The following TAL1 variants were observed in gnomAD, a reference collection of about 807,000 sequenced individuals.
TAL1 encodes T-cell acute lymphocytic leukemia protein 1.
In TAL1, 8 loss-of-function variants were observed where a neutral mutation model predicts 17.9. That is an observed-to-expected ratio of 0.45 (90% CI 0.26 to 0.81). The LOEUF (loss-of-function observed/expected upper bound fraction) is 0.81. TAL1 is among the 30% of genes least tolerant of loss of function. TAL1 has a pLI of 0.17. For missense variants in TAL1, 466 were observed against 486.9 expected (o/e 0.96, Z 0.40); for synonymous variants, 223 against 218.6 (o/e 1.02, Z -0.18).
At chr1:47,220,322 GCTTCCTCATCTATGGGAACTT>G in intron 3 of TAL1, 148 bp from the exon 5 acceptor site, 8 of 1,342,148 alleles carry the variant, frequency 6.0e-6, no homozygotes, top group Non-Finnish European at 7.7e-6. Context: ...AAGTTCCTGT[GCTTCCTCATCTATGGGAACTT>G]CCTCAACCCC....
chr1:47,219,894 G>GGCGC lies in TAL1; in HGVS notation c.821_822insGCGC (p.Ala275ArgfsTer6). 5 of 1,556,030 alleles carry GGCGC rather than the reference G, an allele frequency of 3.2e-6. No homozygotes were observed. Among genetic ancestry groups the GGCGC allele is most frequent in the Non-Finnish European group, 4.3e-6 (5 of 1,149,576 alleles). ...CTTGCAGGAGGTCATCTGGGGGCGC[G>GGCGC]CCGCCCCCTCCCCCACCTCCACCCC... On this transcript the variant is annotated frameshift_variant, in exon 4 of 4. Coordinates refer to ENST00000294339, the Ensembl canonical transcript of TAL1. LOFTEE classifies it high-confidence loss of function.
chr1:47,216,300 A>G (rs1430005655), exon 4 of TAL1: 1 of 203,442 alleles, frequency 4.9e-6, no homozygotes, highest in Admixed American at 6.0e-5. Context: ...GCCCCTTTGT[A>G]AAACTTTTAT....
At chr1:47,219,093 G>T in exon 4 of TAL1, 1 of 335,122 alleles carries the variant, frequency 3.0e-6, no homozygotes, top group East Asian at 4.5e-5. Context: ...AGGGCGACTG[G>T]GTTTCCTGAC....
intron 3 of TAL1, among the ~76,000 whole-genome samples, chr1:47,223,016 G>A (rs1338316586): frequency 6.6e-6 from 1 of 152,096 alleles, no homozygotes; most frequent in Non-Finnish European, 1.5e-5. Context: ...CAGGCTGCTT[G>A]GGTCTTTTGA....
exon 3 of TAL1, chr1:47,224,078 T>C (rs777907368): frequency 6.2e-7 from 1 of 1,613,804 alleles, no homozygotes; most frequent in Admixed American, 1.7e-5. Context: ...AGGGAAGGCA[T>C]CCGGCTCCCC....
At chr1:47,219,450 G>A (rs1272263680) in exon 4 of TAL1, 2 of 663,844 alleles carry the variant, frequency 3.0e-6, no homozygotes, top group East Asian at 3.0e-5. Context: ...TACTTGGGAA[G>A]GATTTGGGAC....
chr1:47,223,933 G>A, intron 3 of TAL1, 71 bp downstream of exon 4: 1 of 1,436,508 alleles, frequency 7.0e-7, no homozygotes, highest in Non-Finnish European at 9.8e-7. Context: ...AGTAGTCCCA[G>A]ATGTTCCCTC....
exon 4 of TAL1, chr1:47,220,063 G>T: frequency 6.2e-7 from 1 of 1,613,966 alleles, no homozygotes; most frequent in Non-Finnish European, 8.5e-7. Flanking sequence ...CTTGTCCGGG[G>T]GATGTGTGGG....
At chr1:47,218,072 C>A (rs1012937052) in exon 4 of TAL1, 1 of 277,820 alleles carries the variant, frequency 3.6e-6, no homozygotes, top group Admixed American at 5.3e-5. Flanking sequence ...TGAGGACAAG[C>A]CACTAGGCTG....
chr1:47,221,564 A>G (rs560427131), intron 3 of TAL1, among the ~76,000 whole-genome samples: 1 of 152,264 alleles, frequency 6.6e-6, no homozygotes, highest in Admixed American at 6.5e-5. Flanking sequence ...TTCTCTCCCT[A>G]ACATCGAGGC....
rs769973350 is a variant in TAL1 at position 47,225,627 on chromosome 1, C to T, written c.262G>A (p.Val88Met). The change falls in exon 2 of 4, where the codon GTG (valine) becomes ATG (methionine). Residue 88 changes from valine to methionine, a missense_variant. By Grantham distance (21) the Val-to-Met change is conservative. This residue lies in a region of TAL1 where 158 missense variants were observed against 151.7 expected (regional missense o/e 1.04). Coordinates refer to ENST00000294339, the Ensembl canonical transcript of TAL1. ...GGTCTGCACAGCTCGGTGGTGGGCACCCGATGGCGCGCTTCGGCCGTCGCC... is the reference window on the plus strand; with the variant it reads ...GGTCTGCACAGCTCGGTGGTGGGCATCCGATGGCGCGCTTCGGCCGTCGCC... The T allele has an allele frequency of 6.8e-4, 936 of 1,383,030 alleles. 1 individual carries two copies. Among genetic ancestry groups the T allele is most frequent in the Non-Finnish European group, 7.6e-4 (822 of 1,077,886 alleles). The allele number at this position is 1,383,030 out of a possible 1,614,324, so 85.7% of individuals were successfully genotyped here.
At chr1:47,220,727 CA>C (rs1338049176) in intron 3 of TAL1, among the ~76,000 whole-genome samples, 1 of 152,188 alleles carries the variant, frequency 6.6e-6, no homozygotes, top group Non-Finnish European at 1.5e-5. Context: ...CTCAGCTTAG[CA>C]GTCAATAAAT....
At chr1:47,217,834 T>A (rs1475268171) in exon 4 of TAL1, 2 of 398,074 alleles carry the variant, frequency 5.0e-6, no homozygotes, top group Non-Finnish European at 8.8e-6. Flanking sequence ...TGACTCTATC[T>A]TTAGACAGAT....
intron 3 of TAL1, among the ~76,000 whole-genome samples, chr1:47,221,448 G>T (rs1261245988): frequency 6.6e-6 from 1 of 152,196 alleles, no homozygotes; most frequent in African/African-American, 2.4e-5. Flanking sequence ...CTTATGGTGT[G>T]CAAAGCACTG....
At chr1:47,221,341 A>G (rs550501949) in intron 3 of TAL1, among the ~76,000 whole-genome samples, 3 of 152,314 alleles carry the variant, frequency 2.0e-5, no homozygotes, top group African/African-American at 7.2e-5. Context: ...CCTCATGTCT[A>G]CAATCCACTG....
At chr1:47,218,613 T>C (rs1187253488) in exon 4 of TAL1, 1 of 232,616 alleles carries the variant, frequency 4.3e-6, no homozygotes, top group African/African-American at 2.2e-5. Context: ...GGATTTCCCA[T>C]ACCCTAGAAG....
chr1:47,220,629 C>T lies in TAL1; in HGVS notation c.542-455G>A, dbSNP rs550976845. Among the ~76,000 whole-genome samples the T allele has an allele frequency of 3.0e-4, 45 of 152,304 alleles. 2 individuals carry two copies. In the South Asian group the frequency reaches 8.7e-3, roughly 29 times the overall value. On this transcript the variant is annotated intron_variant, in intron 3 of 3. Coordinates refer to ENST00000294339, the Ensembl canonical transcript of TAL1. ...TTGTGAAGTGCCTTGGCTTCATCAC[C>T]TGCAAAATGGAGGTAATACTACTAA... is the stretch of plus-strand genomic sequence containing the variant.
exon 4 of TAL1, chr1:47,218,151 C>T (rs942337872): frequency 8.7e-5 from 21 of 241,462 alleles, no homozygotes; most frequent in African/African-American, 4.4e-5. Context: ...CAGGACAGGG[C>T]CACAGGCTAT....
exon 1 of TAL1, chr1:47,229,316 G>C (rs1202684148): frequency 4.9e-6 from 1 of 202,970 alleles, no homozygotes; most frequent in Non-Finnish European, 1.0e-5. Flanking sequence ...TTCGCTGAGA[G>C]GCCTGCAGTT....
Sources: gnomAD v4.1 joint callset for allele counts (sites outside exome capture counted in the v4.1 genomes callset) on GRCh38, gnomAD v4.1.1 for gene constraint, gnomAD v4.1.1 regional missense constraint, MANE v1.5 for transcripts, NCBI Gene and HGNC (gene_info 2026-07-23, HGNC 2026-07-21) for gene names.